CNKSR3: variants seen among roughly 807,000 people sequenced by gnomAD.
The protein encoded by CNKSR3 is connector enhancer of kinase suppressor of ras 3.
In CNKSR3, 36 loss-of-function variants were observed where a neutral mutation model predicts 67.7. The ratio of observed to expected loss-of-function variants is 0.53; its 90% CI spans 0.41 to 0.70. The LOEUF is 0.70. CNKSR3 is among the 30% of genes least tolerant of loss of function. The pLI is 0.00. For missense variants in CNKSR3, 630 were observed against 695.2 expected (o/e 0.91, Z 1.05); for synonymous variants, 281 against 271.4 (o/e 1.04, Z -0.35).
chr6:154,482,777 G>T (rs530256014), intron 1 of CNKSR3, among the ~76,000 whole-genome samples: 57 of 152,262 alleles, frequency 3.7e-4, no homozygotes, highest in African/African-American at 1.3e-3. Context: ...TCTTTTACAA[G>T]AAAGTATTTC....
At chr6:154,421,878 G>A (rs1260382007) in intron 9 of CNKSR3, among the ~76,000 whole-genome samples, 1 of 151,980 alleles carries the variant, frequency 6.6e-6, no homozygotes, top group Non-Finnish European at 1.5e-5. Context: ...TAATGAAAAT[G>A]TCCGTATCCA....
At chr6:154,499,972 G>C (rs1219652150) in intron 1 of CNKSR3, among the ~76,000 whole-genome samples, 1 of 151,990 alleles carries the variant, frequency 6.6e-6, no homozygotes, top group East Asian at 1.9e-4. Flanking sequence ...ACAATTTAAG[G>C]CTTTAGTGTA....
At chr6:154,447,965 A>G (rs1785740699) in intron 2 of CNKSR3, among the ~76,000 whole-genome samples, 1 of 152,178 alleles carries the variant, frequency 6.6e-6, no homozygotes, top group Non-Finnish European at 1.5e-5. Flanking sequence ...CAGACTAAAG[A>G]CATTTTAGTA....
At position 154,395,997 on chromosome 6, in the gene CNKSR3, C is replaced by G. The variant is rs957447777; in HGVS notation, c.*10357G>C. 3 of 152,338 alleles carry G rather than the reference C, an allele frequency of 2.0e-5. No individual in the cohort carries two copies. The highest frequency in any genetic ancestry group is 7.2e-5 in the African/African-American group (3 of 41,454). 9.4% of individuals were successfully genotyped at this position (152,338 alleles called of 1,614,324 possible). A position where few individuals can be genotyped will look rare whatever the true frequency, so the allele number is the denominator to read the frequency against. ...CCACCGGCCTCAGCCTCCCAAAATG[C>G]TGAGATTACAGGCATGAGCCAACTG... On this transcript the variant is annotated 3_prime_UTR_variant, in exon 13 of 13. Coordinates refer to ENST00000607772, the MANE Select transcript of CNKSR3 (RefSeq NM_173515.4).
At position 154,390,221 on chromosome 6, in the gene CNKSR3, C is replaced by G. The variant is rs1784590444; in HGVS notation, c.*16133G>C. Reference sequence around the variant, plus strand: ...ACCTCAGCCATTTGCCTTGCCTTAGCCCCAGCCTGTGCCTGACCAACTCAC... The same window carrying G: ...ACCTCAGCCATTTGCCTTGCCTTAGGCCCAGCCTGTGCCTGACCAACTCAC... On this transcript the variant is annotated 3_prime_UTR_variant, in exon 13 of 13. Coordinates refer to ENST00000607772, the MANE Select transcript of CNKSR3 (RefSeq NM_173515.4). 6.6e-6 allele frequency: 1 copy of G among 152,282 alleles called. No individual in the cohort carries two copies. Among genetic ancestry groups the G allele is most frequent in the African/African-American group, 2.4e-5 (1 of 41,440 alleles). 9.4% of individuals were successfully genotyped at this position (152,282 alleles called of 1,614,324 possible).
intron 2 of CNKSR3, among the ~76,000 whole-genome samples, chr6:154,447,114 C>T (rs1161173113): frequency 6.6e-6 from 1 of 152,124 alleles, no homozygotes; most frequent in Non-Finnish European, 1.5e-5. Flanking sequence ...AGCCATTGCA[C>T]CCGGCCACAG....
chr6:154,390,091 G>A lies in CNKSR3; in HGVS notation c.*16263C>T, dbSNP rs906434177. 4 of 151,760 alleles carry A rather than the reference G, an allele frequency of 2.6e-5. No homozygotes were observed. Among genetic ancestry groups the A allele is most frequent in the African/African-American group, 9.7e-5 (4 of 41,314 alleles). The allele number at this position is 151,760 out of a possible 1,614,324, so 9.4% of individuals were successfully genotyped here. A position where few individuals can be genotyped will look rare whatever the true frequency, so the allele number is the denominator to read the frequency against. ...CATTTCATTTTGAAAATAATAAAAGGAACACCCCATGTACCCATTATCCTA... is the reference window on the plus strand; with the variant it reads ...CATTTCATTTTGAAAATAATAAAAGAAACACCCCATGTACCCATTATCCTA... On this transcript the variant is annotated 3_prime_UTR_variant, in exon 13 of 13. Coordinates refer to ENST00000607772, the MANE Select transcript of CNKSR3 (RefSeq NM_173515.4).
Position 154,402,248 on chromosome 6 carries a change from C to T in CNKSR3, c.*4106G>A, listed in dbSNP as rs146051173. On this transcript the variant is annotated 3_prime_UTR_variant, in exon 13 of 13. Transcript: ENST00000607772. ...AACCTGTTGGAGCATGCGTGATACA[C>T]AAGCCCTGCAGCTTACAGCCCTCAC... 30 of 152,312 alleles carry T rather than the reference C, an allele frequency of 2.0e-4. No homozygotes were observed. The highest frequency in any genetic ancestry group is 7.0e-4 in the African/African-American group (29 of 41,564). 9.4% of individuals were successfully genotyped at this position (152,312 alleles called of 1,614,324 possible). A position where few individuals can be genotyped will look rare whatever the true frequency, so the allele number is the denominator to read the frequency against.
chr6:154,414,156 C>A, intron 10 of CNKSR3, 143 bp downstream of exon 10: 1 of 814,996 alleles, frequency 1.2e-6, no homozygotes. Flanking sequence ...TAAGGCTGAT[C>A]ATACTTTTAA....
At chr6:154,435,736 G>A (rs1330271959) in intron 4 of CNKSR3, among the ~76,000 whole-genome samples, 1 of 152,246 alleles carries the variant, frequency 6.6e-6, no homozygotes, top group African/African-American at 2.4e-5. Flanking sequence ...ACAGCCCTGG[G>A]TCACCTGGCA....
In CNKSR3 at chr6:154,399,935, A is replaced by C. The variant is rs1172999052; in HGVS notation, c.*6419T>G. 6.6e-6 allele frequency: 1 copy of C among 152,034 alleles called. No individual in the cohort carries two copies. Among genetic ancestry groups the C allele is most frequent in the African/African-American group, 2.4e-5 (1 of 41,408 alleles). 9.4% of individuals were successfully genotyped at this position (152,034 alleles called of 1,614,324 possible). On this transcript the variant is annotated 3_prime_UTR_variant, in exon 13 of 13. Transcript: ENST00000607772. ...GAAGAACATTTCTCTCATTTTAATC[A>C]TTTTTCTCCTGATATTTTCTCTCCT...
chr6:154,486,683 G>T (rs984195981), intron 1 of CNKSR3, among the ~76,000 whole-genome samples: 8 of 150,176 alleles, frequency 5.3e-5, no homozygotes, highest in African/African-American at 2.0e-4. Flanking sequence ...TAGTAGAGAC[G>T]GGGTTTCACT....
chr6:154,412,893 C>A (rs1207845016), intron 10 of CNKSR3, among the ~76,000 whole-genome samples: 1 of 152,096 alleles, frequency 6.6e-6, no homozygotes, highest in Non-Finnish European at 1.5e-5. Context: ...CCTGGCAGTT[C>A]TGTAGGGTCA....
At position 154,405,577 on chromosome 6, in the gene CNKSR3, C is replaced by T. The variant is rs1300110594; in HGVS notation, c.*777G>A. 2.0e-5 allele frequency: 3 copies of T among 152,346 alleles called. No individual in the cohort carries two copies. The highest frequency in any genetic ancestry group is 2.9e-5 in the Non-Finnish European group (2 of 68,032). The allele number at this position is 152,346 out of a possible 1,614,324, so 9.4% of individuals were successfully genotyped here. ...TGCAAACTCATGTATCTTTCATCAA[C>T]CTAAATCTTGTTGCTTCACTTTTCT... On this transcript the variant is annotated 3_prime_UTR_variant, in exon 13 of 13. Coordinates refer to ENST00000607772, the MANE Select transcript of CNKSR3 (RefSeq NM_173515.4).
rs890535902 is a variant in CNKSR3 at position 154,393,718 on chromosome 6, A to C, written c.*12636T>G. On this transcript the variant is annotated 3_prime_UTR_variant, in exon 13 of 13. Transcript: ENST00000607772. ...AGCCCTTTTACTGTCTTCTATAAGA[A>C]ATCTTTCCCTATCCAAGGTTACAAA... The C allele has an allele frequency of 1.3e-5, 2 of 152,234 alleles. No homozygotes were observed. The highest frequency in any genetic ancestry group is 1.5e-5 in the Non-Finnish European group (1 of 68,028). 9.4% of individuals were successfully genotyped at this position (152,234 alleles called of 1,614,324 possible).
Position 154,408,612 on chromosome 6 carries a change from G to A in CNKSR3, c.1369+1731C>T, listed in dbSNP as rs79871875. ...AAATCCACAGAGTAGATGAGTGCCT[G>A]TCAGGGGCTGAAGAAGGACGGAATT... On this transcript the variant is annotated intron_variant, in intron 12 of 12. Coordinates refer to ENST00000607772, the MANE Select transcript of CNKSR3 (RefSeq NM_173515.4). Among the ~76,000 whole-genome samples, 22 of 152,314 alleles carry A rather than the reference G, an allele frequency of 1.4e-4. 1 individual carries two copies. In the East Asian group the frequency reaches 4.2e-3, roughly 29 times the overall value.
chr6:154,476,938 A>G (rs1187734424), intron 1 of CNKSR3, among the ~76,000 whole-genome samples: 2 of 152,200 alleles, frequency 1.3e-5, no homozygotes, highest in East Asian at 1.9e-4. Context: ...AAATCCCTAT[A>G]TATGAAACAG....
At chr6:154,441,530 C>G (rs1408759195) in intron 3 of CNKSR3, 151 bp from the exon 4 acceptor site, 2 of 614,374 alleles carry the variant, frequency 3.3e-6, no homozygotes, top group East Asian at 5.7e-5. Flanking sequence ...GTCGCCCAGG[C>G]TGGAGTGCAG....
chr6:154,441,290 AC>A lies in CNKSR3; in HGVS notation c.507+1del. 1.3e-6 allele frequency: 2 copies of A among 1,526,822 alleles called. No individual in the cohort carries two copies. The highest frequency in any genetic ancestry group is 1.8e-6 in the Non-Finnish European group (2 of 1,109,956). 94.6% of individuals were successfully genotyped at this position (1,526,822 alleles called of 1,614,324 possible). A position where few individuals can be genotyped will look rare whatever the true frequency, so the allele number is the denominator to read the frequency against. Reference sequence around the variant, plus strand: ...AGAAAGTGAAAATGACATACTACTGACCTTCTGGACTGTAGTGGTCAGGTCC... The same window carrying A: ...AGAAAGTGAAAATGACATACTACTGACTTCTGGACTGTAGTGGTCAGGTCC... On this transcript the variant is annotated splice_donor_variant, in intron 4 of 12. Transcript: ENST00000607772. LOFTEE classifies it high-confidence loss of function.
Sources: allele counts gnomAD v4.1 joint callset (sites outside exome capture counted in the v4.1 genomes callset), GRCh38; gene constraint gnomAD v4.1.1; transcripts MANE v1.5; gene names NCBI Gene and HGNC (gene_info 2026-07-23, HGNC 2026-07-21).